The following NRG3 variants were observed in gnomAD, a reference collection of about 807,000 sequenced individuals.
NRG3 encodes neuregulin 3.
In NRG3, 31 loss-of-function variants were observed where a neutral mutation model predicts 66.9. The ratio of observed to expected loss-of-function variants is 0.46; its 90% confidence interval spans 0.35 to 0.63. The LOEUF (loss-of-function observed/expected upper bound fraction) is 0.63. NRG3 is among the 20% of genes least tolerant of loss of function. NRG3 has a pLI of 0.00. For synonymous variants in NRG3, 393 were observed against 359.4 expected (o/e 1.09, Z -1.06); for missense variants, 910 against 878.9 (o/e 1.04, Z -0.45).
chr10:81,979,687 T>C (rs1170575791), intron 1 of NRG3, among the ~76,000 whole-genome samples: 2 of 152,198 alleles, frequency 1.3e-5, no homozygotes, highest in African/African-American at 4.8e-5. Flanking sequence ...CAGGGAGTCA[T>C]ATACATACGG....
At chr10:82,188,539 G>T (rs1341626380) in intron 1 of NRG3, among the ~76,000 whole-genome samples, 2 of 152,060 alleles carry the variant, frequency 1.3e-5, no homozygotes, top group Non-Finnish European at 2.9e-5. Flanking sequence ...GAAAATAGTT[G>T]CAAACTACTC....
At chr10:82,258,920 G>A (rs561119819) in intron 1 of NRG3, among the ~76,000 whole-genome samples, 181 of 152,208 alleles carry the variant, frequency 1.2e-3, no homozygotes, top group African/African-American at 4.0e-3. Context: ...CTTGGAACTC[G>A]GGAAATTAGA....
chr10:82,334,751 T>G (rs1013138511), intron 1 of NRG3, among the ~76,000 whole-genome samples: 5 of 152,158 alleles, frequency 3.3e-5, no homozygotes, highest in African/African-American at 1.2e-4. Context: ...GTAATGATAA[T>G]TATCAAATCT....
chr10:82,217,036 C>G (rs551191202), intron 1 of NRG3, among the ~76,000 whole-genome samples: 1 of 152,172 alleles, frequency 6.6e-6, no homozygotes, highest in Non-Finnish European at 1.5e-5. Flanking sequence ...ATAATTGTTT[C>G]ACAATTCAAA....
In NRG3 at chr10:82,421,514, C is replaced by A. The variant is rs139713686; in HGVS notation, c.953+62646C>A. 5.3e-5 allele frequency among the ~76,000 whole-genome samples: 8 copies of A among 152,106 alleles called. No homozygotes were observed. In the East Asian group the frequency reaches 1.5e-3, roughly 29 times the overall value. On this transcript the variant is annotated intron_variant, in intron 2 of 8. Transcript: ENST00000372141. ...TGCACTCAGTTACCAAAAAAAAAGT[C>A]TATTATGTAAGAGATCTGGATCACC...
intron 1 of NRG3, among the ~76,000 whole-genome samples, chr10:82,127,759 G>A (rs2068542036): frequency 6.6e-6 from 1 of 151,878 alleles, no homozygotes; most frequent in Non-Finnish European, 1.5e-5. Context: ...CACACTCTCA[G>A]CACAGCCACT....
intron 1 of NRG3, among the ~76,000 whole-genome samples, chr10:81,940,599 A>G (rs1848325488): frequency 2.0e-5 from 3 of 151,926 alleles, no homozygotes. Context: ...AGCCTCAAGC[A>G]ATTCTCTCAC....
At chr10:82,276,201 A>T (rs61863044) in intron 1 of NRG3, among the ~76,000 whole-genome samples, 15,582 of 151,960 alleles carry the variant, frequency 0.1, 919 homozygotes, top group Non-Finnish European at 0.14. Context: ...TCCTATATAA[A>T]TCTATTAACA....
chr10:82,017,560 G>T (rs571627559), intron 1 of NRG3, among the ~76,000 whole-genome samples: 1 of 152,230 alleles, frequency 6.6e-6, no homozygotes, highest in Non-Finnish European at 1.5e-5. Context: ...CACCAACAGT[G>T]TAAAAGTGTT....
At chr10:82,925,737 G>GTCAC (rs1846919993) in intron 4 of NRG3, among the ~76,000 whole-genome samples, 2 of 152,172 alleles carry the variant, frequency 1.3e-5, no homozygotes, top group African/African-American at 4.8e-5. Context: ...ATTATGAAAA[G>GTCAC]TCACTCTTTC....
intron 1 of NRG3, among the ~76,000 whole-genome samples, chr10:81,910,011 G>C (rs1844971529): frequency 6.6e-6 from 1 of 151,932 alleles, no homozygotes; most frequent in Non-Finnish European, 1.5e-5. Flanking sequence ...TTGCACTATT[G>C]CACACTAAAA....
intron 3 of NRG3, among the ~76,000 whole-genome samples, chr10:82,771,926 A>G (rs115436606): frequency 0.035 from 5,386 of 152,200 alleles, 334 homozygotes; most frequent in African/African-American, 0.12. Context: ...ACTCATATTC[A>G]AACAAATCTT....
intron 1 of NRG3, among the ~76,000 whole-genome samples, chr10:81,960,180 A>T (rs1050856789): frequency 1.3e-5 from 2 of 152,028 alleles, no homozygotes; most frequent in African/African-American, 2.4e-5. Flanking sequence ...GCTGTTATGT[A>T]TTTTAACTCA....
intron 1 of NRG3, among the ~76,000 whole-genome samples, chr10:82,194,749 T>C (rs1306011966): frequency 6.6e-6 from 1 of 152,134 alleles, no homozygotes; most frequent in African/African-American, 2.4e-5. Context: ...CGTTGAATAA[T>C]AGATATTATT....
chr10:82,282,052 T>C (rs2079149686), intron 1 of NRG3, among the ~76,000 whole-genome samples: 1 of 151,886 alleles, frequency 6.6e-6, no homozygotes, highest in African/African-American at 2.4e-5. Flanking sequence ...GGTCTCAAAC[T>C]CATATATCTA....
intron 1 of NRG3, among the ~76,000 whole-genome samples, chr10:82,170,349 T>C (rs1249944904): frequency 6.6e-6 from 1 of 151,930 alleles, no homozygotes; most frequent in Non-Finnish European, 1.5e-5. Flanking sequence ...GTCTTCAGAT[T>C]AGTAGTTACT....
In NRG3 at chr10:81,992,037, G is replaced by A. The variant is rs1334433606; in HGVS notation, c.823+115874G>A. 2.6e-5 allele frequency among the ~76,000 whole-genome samples: 4 copies of A among 151,914 alleles called. No homozygotes were observed. In the East Asian group the frequency reaches 5.8e-4, roughly 22 times the overall value. ...TTCTCTTATTAGAAACATACCTATT[G>A]TATTATTATTTTCAAGCAAAGAAAA... On this transcript the variant is annotated intron_variant, in intron 1 of 8. Coordinates refer to ENST00000372141, the MANE Select transcript of NRG3 (RefSeq NM_001010848.4).
At chr10:82,019,780 G>A (rs1375206024) in intron 1 of NRG3, among the ~76,000 whole-genome samples, 1 of 152,062 alleles carries the variant, frequency 6.6e-6, no homozygotes. Flanking sequence ...GATCGGTGGT[G>A]ATATCTCCTT....
rs968117596 is a variant in NRG3 at position 82,362,567 on chromosome 10, T to C, written c.953+3699T>C. Among the ~76,000 whole-genome samples, 676 of 148,332 alleles carry C rather than the reference T, an allele frequency of 4.6e-3. 12 individuals carry two copies. Among genetic ancestry groups the C allele is most frequent in the African/African-American group, 0.016 (648 of 40,138 alleles). ...TTCTGGGTTTTTTTTTTTTTTTTTT[T>C]TTCGTAGAAATGGGGCCTCACTAGG... On this transcript the variant is annotated intron_variant, in intron 2 of 8. Coordinates refer to ENST00000372141, the MANE Select transcript of NRG3 (RefSeq NM_001010848.4).
Sources: allele counts gnomAD v4.1 joint callset (sites outside exome capture counted in the v4.1 genomes callset), GRCh38; gene constraint gnomAD v4.1.1; transcripts MANE v1.5; gene names NCBI Gene and HGNC (gene_info 2026-07-23, HGNC 2026-07-21).